The following NAALADL2 variants were observed in gnomAD, a reference collection of about 807,000 sequenced individuals.
NAALADL2 encodes N-acetylated alpha-linked acidic dipeptidase like 2.
Under a neutral mutation model 87.2 loss-of-function variants are expected in NAALADL2, and 76 were observed. The observed-to-expected ratio is 0.87, with a 90% CI of 0.72 to 1.05. NAALADL2 has a LOEUF of 1.05. Ranked by LOEUF, NAALADL2 falls within the 50% of genes least tolerant of loss-of-function variation. The pLI, the probability that NAALADL2 is intolerant of heterozygous loss-of-function variation, is 0.00. For missense variants in NAALADL2, 1,089 were observed against 945.8 expected, an observed-to-expected ratio of 1.15 and a Z score of -1.99; for synonymous variants, 354 against 331.0, an observed-to-expected ratio of 1.07 and a Z score of -0.75.
chr3:175,737,015 G>T (rs1313562405), intron 11 of NAALADL2, among the ~76,000 whole-genome samples: 1 of 152,076 alleles, frequency 6.6e-6, no homozygotes, highest in Non-Finnish European at 1.5e-5. Flanking sequence ...AGTCTAAATA[G>T]TACAACTCTT....
chr3:175,720,717 T>A (rs146526117), intron 11 of NAALADL2, among the ~76,000 whole-genome samples: 1 of 152,158 alleles, frequency 6.6e-6, no homozygotes, highest in East Asian at 1.9e-4. Context: ...GAATAACAAC[T>A]AGACTGCAAC....
intron 2 of NAALADL2, among the ~76,000 whole-genome samples, chr3:174,707,452 A>G (rs1578623169): frequency 6.6e-6 from 1 of 152,262 alleles, no homozygotes; most frequent in East Asian, 1.9e-4. Flanking sequence ...TACACCATGG[A>G]ATACTATGCA....
At chr3:175,692,261 T>C (rs1318437959) in intron 11 of NAALADL2, among the ~76,000 whole-genome samples, 1 of 152,182 alleles carries the variant, frequency 6.6e-6, no homozygotes, top group Non-Finnish European at 1.5e-5. Flanking sequence ...AATTCATAAT[T>C]ATTCATAGTT....
chr3:175,300,723 C>CA (rs1475798915), intron 4 of NAALADL2, among the ~76,000 whole-genome samples: 2 of 149,836 alleles, frequency 1.3e-5, no homozygotes, highest in Non-Finnish European at 3.0e-5. Context: ...TTAATATTTT[C>CA]AAAAAACCAT....
intron 4 of NAALADL2, among the ~76,000 whole-genome samples, chr3:175,288,477 T>C (rs1022517196): frequency 1.3e-5 from 2 of 152,160 alleles, no homozygotes; most frequent in African/African-American, 4.8e-5. Context: ...ACACCTCAAA[T>C]TAAGCATTTA....
intron 10 of NAALADL2, among the ~76,000 whole-genome samples, chr3:175,612,745 C>G (rs1031040669): frequency 2.0e-5 from 3 of 152,140 alleles, no homozygotes; most frequent in African/African-American, 7.2e-5. Flanking sequence ...TTTATTAATA[C>G]TAAGACTGCA....
chr3:175,479,946 G>A (rs754907042), intron 9 of NAALADL2, among the ~76,000 whole-genome samples: 6 of 151,694 alleles, frequency 4.0e-5, no homozygotes, highest in African/African-American at 7.2e-5. Flanking sequence ...TCAGCCTAAG[G>A]AAGAATTCTC....
chr3:175,299,379 G>T (rs1756758222), intron 4 of NAALADL2, among the ~76,000 whole-genome samples: 1 of 151,962 alleles, frequency 6.6e-6, no homozygotes, highest in Non-Finnish European at 1.5e-5. Context: ...AATTACTTTG[G>T]CCAGTATGGC....
intron 1 of NAALADL2, among the ~76,000 whole-genome samples, chr3:174,514,917 T>G (rs1452353240): frequency 6.6e-6 from 1 of 152,150 alleles, no homozygotes; most frequent in Non-Finnish European, 1.5e-5. Context: ...AAAGAAATAC[T>G]GGCTTGCTAC....
At chr3:175,201,107 T>G (rs1739952947) in intron 2 of NAALADL2, among the ~76,000 whole-genome samples, 1 of 152,186 alleles carries the variant, frequency 6.6e-6, no homozygotes, top group Admixed American at 6.6e-5. Context: ...ACAATGTTTT[T>G]GTTTTTTAAA....
At chr3:175,674,407 A>C (rs1039841249) in intron 11 of NAALADL2, among the ~76,000 whole-genome samples, 2 of 151,620 alleles carry the variant, frequency 1.3e-5, no homozygotes, top group Non-Finnish European at 2.9e-5. Flanking sequence ...CTACGGATGC[A>C]CACCACCACC....
chr3:175,588,279 T>C (rs989348177), intron 10 of NAALADL2, among the ~76,000 whole-genome samples: 11 of 152,198 alleles, frequency 7.2e-5, no homozygotes, highest in African/African-American at 2.4e-4. Context: ...GCAATCTCAA[T>C]TGGGTTTTGG....
chr3:174,710,590 G>C (rs1402367100), intron 2 of NAALADL2, among the ~76,000 whole-genome samples: 3 of 152,076 alleles, frequency 2.0e-5, no homozygotes, highest in African/African-American at 7.2e-5. Flanking sequence ...TCTCTGCCTA[G>C]TTGCAGACGA....
chr3:174,761,439 C>A (rs1712936888), intron 3 of NAALADL2, among the ~76,000 whole-genome samples: 1 of 151,850 alleles, frequency 6.6e-6, no homozygotes, highest in African/African-American at 2.4e-5. Flanking sequence ...ATATTAACTC[C>A]ATATTACATG....
chr3:175,263,994 C>T (rs1581178251), intron 4 of NAALADL2, among the ~76,000 whole-genome samples: 1 of 151,672 alleles, frequency 6.6e-6, no homozygotes, highest in African/African-American at 2.4e-5. Flanking sequence ...TCAGCTTTTC[C>T]CTCTTCCTCT....
chr3:174,567,045 A>C (rs1714370210), intron 2 of NAALADL2, among the ~76,000 whole-genome samples: 1 of 151,680 alleles, frequency 6.6e-6, no homozygotes, highest in Non-Finnish European at 1.5e-5. Context: ...ACTACTATGC[A>C]CATAATGTCT....
chr3:175,125,532 A>G (rs909853239), intron 2 of NAALADL2, among the ~76,000 whole-genome samples: 3 of 152,080 alleles, frequency 2.0e-5, no homozygotes, highest in African/African-American at 7.2e-5. Context: ...TTGAAGGTCA[A>G]ATGAACGGGA....
intron 1 of NAALADL2, among the ~76,000 whole-genome samples, chr3:174,545,869 C>T (rs1578137011): frequency 6.6e-6 from 1 of 150,376 alleles, no homozygotes; most frequent in East Asian, 1.9e-4. Flanking sequence ...AATCTTTATT[C>T]TGTGATTATT....
intron 2 of NAALADL2, among the ~76,000 whole-genome samples, chr3:175,137,744 C>T (rs1318801072): frequency 6.7e-6 from 1 of 149,648 alleles, no homozygotes; most frequent in African/African-American, 2.5e-5. Context: ...GGATTACAGG[C>T]ACCGCCACCA....
Sources: allele counts gnomAD v4.1 joint callset (sites outside exome capture counted in the v4.1 genomes callset), GRCh38; gene constraint gnomAD v4.1.1; transcripts MANE v1.5; gene names NCBI Gene and HGNC (gene_info 2026-07-23, HGNC 2026-07-21).